KCNMA1: variants seen among roughly 807,000 people sequenced by gnomAD.
KCNMA1 encodes the protein Calcium-activated potassium channel subunit alpha-1.
Under a neutral mutation model 140.0 loss-of-function variants are expected in KCNMA1, and 29 were observed. The ratio of observed to expected loss-of-function variants is 0.21; its 90% CI spans 0.15 to 0.28. The LOEUF (loss-of-function observed/expected upper bound fraction) is 0.28, where lower values mean the gene tolerates loss of function less well. KCNMA1 is among the 10% of genes least tolerant of loss of function. The pLI, the probability that KCNMA1 is intolerant of heterozygous loss-of-function variation, is 1.00. For synonymous variants in KCNMA1, 612 were observed against 611.9 expected, an observed-to-expected ratio of 1.00 and a Z score of 0.00; for missense variants, 880 against 1,602.2, an observed-to-expected ratio of 0.55 and a Z score of 7.70.
intron 1 of KCNMA1, among the ~76,000 whole-genome samples, chr10:77,507,183 T>C (rs1021044261): frequency 2.6e-5 from 4 of 152,234 alleles, no homozygotes; most frequent in Non-Finnish European, 2.9e-5. Flanking sequence ...ATTAGTTTTT[T>C]ATTAAAAATA....
chr10:77,119,953 T>C (rs146943560), intron 6 of KCNMA1, among the ~76,000 whole-genome samples: 48 of 152,266 alleles, frequency 3.2e-4, no homozygotes, highest in African/African-American at 1.1e-3. Context: ...AAGCCAATCA[T>C]AGGTTGAATT....
chr10:77,506,706 C>CAG (rs2046158089), intron 1 of KCNMA1, among the ~76,000 whole-genome samples: 1 of 21,014 alleles, frequency 4.8e-5, no homozygotes, highest in East Asian at 2.3e-3. Flanking sequence ...GAGAGATGTT[C>CAG]CGAGAGAGAG....
intron 2 of KCNMA1, among the ~76,000 whole-genome samples, chr10:77,297,026 A>C (rs1259866071): frequency 1.3e-5 from 2 of 152,130 alleles, no homozygotes. Flanking sequence ...GGTTGTACCC[A>C]AGACATCCAA....
intron 2 of KCNMA1, among the ~76,000 whole-genome samples, chr10:77,330,905 T>C (rs2086131445): frequency 6.6e-6 from 1 of 152,196 alleles, no homozygotes; most frequent in South Asian, 2.1e-4. Flanking sequence ...TGCTGGGGCA[T>C]GCAATAATGT....
intron 25 of KCNMA1, among the ~76,000 whole-genome samples, chr10:76,896,106 C>A (rs922704460): frequency 6.6e-6 from 1 of 152,202 alleles, no homozygotes; most frequent in African/African-American, 2.4e-5. Context: ...ATTTCCTAAT[C>A]CTAGCAAGCC....
At chr10:77,457,724 C>G (rs1279427347) in intron 1 of KCNMA1, among the ~76,000 whole-genome samples, 2 of 152,056 alleles carry the variant, frequency 1.3e-5, no homozygotes, top group Admixed American at 1.3e-4. Context: ...CCCTCCAGCA[C>G]GGGCATTCTG....
chr10:77,558,955 G>A (rs2065435258), intron 1 of KCNMA1, among the ~76,000 whole-genome samples: 1 of 150,212 alleles, frequency 6.7e-6, no homozygotes, highest in African/African-American at 2.5e-5. Context: ...TAGAGCTGCT[G>A]GTACAACTTC....
chr10:76,877,994 A>AAT, intron 29 of KCNMA1: 2 of 1,134,858 alleles, frequency 1.8e-6, no homozygotes, highest in Non-Finnish European at 2.6e-6. Flanking sequence ...GCAAAAAGGT[A>AAT]ATCGATAGAA....
intron 2 of KCNMA1, among the ~76,000 whole-genome samples, chr10:77,390,348 TC>T (rs1203934394): frequency 1.3e-5 from 2 of 152,288 alleles, no homozygotes; most frequent in East Asian, 3.9e-4. Context: ...CTGTCATGAA[TC>T]CCCAAGGGCC....
chr10:77,184,583 G>A (rs1001778375), intron 4 of KCNMA1, among the ~76,000 whole-genome samples: 22 of 152,114 alleles, frequency 1.4e-4, no homozygotes, highest in African/African-American at 4.8e-4. Context: ...ACAATCCACC[G>A]GTGGATACAT....
At chr10:77,131,278 A>G (rs2097852212) in intron 5 of KCNMA1, among the ~76,000 whole-genome samples, 1 of 152,214 alleles carries the variant, frequency 6.6e-6, no homozygotes, top group Non-Finnish European at 1.5e-5. Context: ...CAGCATTCAC[A>G]TATAGGCTAA....
At chr10:77,552,864 C>A (rs1392036593) in intron 1 of KCNMA1, among the ~76,000 whole-genome samples, 1 of 152,128 alleles carries the variant, frequency 6.6e-6, no homozygotes, top group Non-Finnish European at 1.5e-5. Context: ...GCCTGGCCAA[C>A]ATGGTGAAAC....
chr10:76,921,418 C>T (rs986566560), intron 23 of KCNMA1, among the ~76,000 whole-genome samples: 1 of 152,110 alleles, frequency 6.6e-6, no homozygotes, highest in African/African-American at 2.4e-5. Context: ...AGATGAAGTG[C>T]AGATCAATAA....
intron 16 of KCNMA1, among the ~76,000 whole-genome samples, chr10:77,025,821 T>C (rs2093395540): frequency 1.3e-5 from 2 of 152,016 alleles, no homozygotes; most frequent in Non-Finnish European, 2.9e-5. Context: ...GTTTGATAAG[T>C]CCTGTGTTTT....
chr10:76,889,683 G>A (rs1054711972), intron 26 of KCNMA1, 114 bp from the exon 27 acceptor site: 2 of 846,536 alleles, frequency 2.4e-6, no homozygotes, highest in African/African-American at 3.3e-5. Context: ...TCCCAAGTTG[G>A]AGGGTCCATG....
At chr10:77,419,250 G>A (rs1432753551) in intron 1 of KCNMA1, among the ~76,000 whole-genome samples, 1 of 152,154 alleles carries the variant, frequency 6.6e-6, no homozygotes, top group Non-Finnish European at 1.5e-5. Context: ...GAAGAGCCCT[G>A]CAGAGCAGAG....
rs569552025 is a variant in KCNMA1 at position 77,536,316 on chromosome 10, C to T, written c.378+100949G>A. On this transcript the variant is annotated intron_variant, in intron 1 of 27. Transcript: ENST00000286628. ...TTTGAGGCCACAGTTCCTGGCATCT[C>T]GGAGCAGGAGGACGCCAGCATCCTT... 7.9e-5 allele frequency among the ~76,000 whole-genome samples: 12 copies of T among 152,310 alleles called. No individual in the cohort carries two copies. In the South Asian group the frequency reaches 2.5e-3, roughly 32 times the overall value.
intron 9 of KCNMA1, chr10:77,091,400 G>A (rs1347251114): frequency 2.0e-5 from 3 of 152,202 alleles, no homozygotes; most frequent in South Asian, 2.1e-4. Flanking sequence ...CCAACCGCTC[G>A]GGGCTCCTGG....
intron 3 of KCNMA1, among the ~76,000 whole-genome samples, chr10:77,187,579 G>A (rs554582324): frequency 4.6e-5 from 7 of 152,314 alleles, no homozygotes; most frequent in East Asian, 1.9e-4. Context: ...AAATGATGCC[G>A]CTGGCGCGGG....
Sources: allele counts gnomAD v4.1 joint callset (sites outside exome capture counted in the v4.1 genomes callset), GRCh38; gene constraint gnomAD v4.1.1; transcripts MANE v1.5; gene names NCBI Gene and HGNC (gene_info 2026-07-23, HGNC 2026-07-21).